The following PKIB variants were observed in gnomAD, a reference collection of about 807,000 sequenced individuals.
PKIB encodes the protein cAMP-dependent protein kinase inhibitor beta.
In PKIB, 2 loss-of-function variants were observed where a neutral mutation model predicts 4.5. That is an observed-to-expected ratio of 0.44 (90% CI 0.18 to 1.39). The LOEUF (loss-of-function observed/expected upper bound fraction) is 1.39, where lower values mean the gene tolerates loss of function less well. Among genes scored for constraint, PKIB ranks in the 40% most tolerant of loss-of-function variants. The pLI is 0.27. For missense variants in PKIB, 94 were observed against 92.6 expected, an observed-to-expected ratio of 1.02 and a Z score of -0.06; for synonymous variants, 38 against 36.0, an observed-to-expected ratio of 1.06 and a Z score of -0.20.
intron 2 of PKIB, among the ~76,000 whole-genome samples, chr6:122,503,274 T>C (rs1402875692): frequency 6.6e-6 from 1 of 152,200 alleles, no homozygotes; most frequent in African/African-American, 2.4e-5. Flanking sequence ...GAAATGTTCA[T>C]GTAGCAATTC....
chr6:122,627,536 G>T (rs1775506501), intron 1 of PKIB, among the ~76,000 whole-genome samples: 1 of 152,128 alleles, frequency 6.6e-6, no homozygotes, highest in Admixed American at 6.5e-5. Context: ...AACTCATCAT[G>T]TTCCTTCCAA....
intron 1 of PKIB, among the ~76,000 whole-genome samples, chr6:122,611,011 C>T (rs1774730965): frequency 6.6e-6 from 1 of 152,232 alleles, no homozygotes; most frequent in Non-Finnish European, 1.5e-5. Context: ...GTGGCTTTAG[C>T]CAAGTCACCT....
chr6:122,641,174 G>A (rs996341404), intron 2 of PKIB, among the ~76,000 whole-genome samples: 13 of 152,090 alleles, frequency 8.5e-5, no homozygotes, highest in Admixed American at 7.9e-4. Context: ...ATTTAGTCTT[G>A]ATTTGTGTTT....
intron 2 of PKIB, among the ~76,000 whole-genome samples, chr6:122,642,762 A>G (rs1297488393): frequency 6.6e-6 from 1 of 152,178 alleles, no homozygotes; most frequent in Admixed American, 6.5e-5. Flanking sequence ...GGAGACAGAA[A>G]ATTGACTCAC....
At chr6:122,555,862 C>G (rs1473096831) in intron 2 of PKIB, among the ~76,000 whole-genome samples, 1 of 152,130 alleles carries the variant, frequency 6.6e-6, no homozygotes. Context: ...AAAACACCAA[C>G]TTGGAATTGA....
At chr6:122,601,688 A>G (rs1774372960) in intron 3 of PKIB, among the ~76,000 whole-genome samples, 1 of 152,178 alleles carries the variant, frequency 6.6e-6, no homozygotes, top group African/African-American at 2.4e-5. Context: ...CTTAATATAT[A>G]GTATATATAT....
chr6:122,630,784 T>C (rs1010291089), intron 1 of PKIB, among the ~76,000 whole-genome samples: 14 of 152,188 alleles, frequency 9.2e-5, no homozygotes, highest in Non-Finnish European at 2.9e-5. Flanking sequence ...TTTCAGTTTA[T>C]GATCCTCAGT....
chr6:122,502,499 G>A (rs1164346045), intron 2 of PKIB, among the ~76,000 whole-genome samples: 45 of 151,668 alleles, frequency 3.0e-4, no homozygotes, highest in Non-Finnish European at 5.9e-5. Context: ...CACAATCTTC[G>A]TTTGGCAGAA....
chr6:122,618,483 T>A (rs1305096004), intron 1 of PKIB, among the ~76,000 whole-genome samples: 1 of 152,022 alleles, frequency 6.6e-6, no homozygotes, highest in African/African-American at 2.4e-5. Flanking sequence ...TTAGAGATAA[T>A]ATACGTTGCA....
intron 2 of PKIB, among the ~76,000 whole-genome samples, chr6:122,530,561 T>C (rs897697662): frequency 6.6e-5 from 10 of 152,132 alleles, no homozygotes; most frequent in African/African-American, 1.9e-4. Context: ...CTCCCAGTTA[T>C]GTACTGCCTT....
chr6:122,587,182 C>T (rs1424581808), intron 3 of PKIB, among the ~76,000 whole-genome samples: 2 of 152,036 alleles, frequency 1.3e-5, no homozygotes, highest in Non-Finnish European at 2.9e-5. Context: ...CCCCGTCCTC[C>T]CACTCCACAA....
chr6:122,502,062 C>T (rs1776255575), intron 2 of PKIB, among the ~76,000 whole-genome samples: 1 of 151,358 alleles, frequency 6.6e-6, no homozygotes, highest in African/African-American at 2.4e-5. Flanking sequence ...AAGTGATTCT[C>T]TTGCCTCAGC....
intron 3 of PKIB, among the ~76,000 whole-genome samples, chr6:122,594,925 T>G (rs979747854): frequency 6.6e-6 from 1 of 152,174 alleles, no homozygotes; most frequent in African/African-American, 2.4e-5. Context: ...CAGCCAACAC[T>G]GTAGCTCCCT....
rs118150104 is a variant in PKIB, at chr6:122,599,712, A to G, written c.-161+13705A>G. Among the ~76,000 whole-genome samples the G allele has an allele frequency of 2.0e-3, 308 of 152,304 alleles. 7 individuals are homozygous for G. In the East Asian group the frequency reaches 0.041, roughly 20 times the overall value. On this transcript the variant is annotated intron_variant, in intron 3 of 6. Transcript: ENST00000392491. ...ATATGGTCACCTCACTCTGCCTGTC[A>G]TGAGCAGTGAATCAGGAGTGTCAAA... is the stretch of plus-strand genomic sequence containing the variant.
At chr6:122,616,755 A>G (rs1775009105) in intron 1 of PKIB, among the ~76,000 whole-genome samples, 1 of 152,092 alleles carries the variant, frequency 6.6e-6, no homozygotes, top group African/African-American at 2.4e-5. Context: ...GCTAAGAGAA[A>G]GGAAACTACT....
At chr6:122,547,073 A>G (rs9490478) in intron 2 of PKIB, among the ~76,000 whole-genome samples, 22,414 of 152,060 alleles carry the variant, frequency 0.15, 1,778 homozygotes, top group East Asian at 0.26. Context: ...ATCTGTGTGT[A>G]CCTGTAGGCT....
At chr6:122,590,907 T>G (rs1773998176) in intron 3 of PKIB, among the ~76,000 whole-genome samples, 3 of 152,092 alleles carry the variant, frequency 2.0e-5, no homozygotes, top group Admixed American at 2.0e-4. Flanking sequence ...GAAAAGGGAT[T>G]GAGATAAAAG....
At chr6:122,559,528 C>CTT (rs1231660823) in intron 2 of PKIB, among the ~76,000 whole-genome samples, 3 of 151,502 alleles carry the variant, frequency 2.0e-5, no homozygotes, top group Non-Finnish European at 4.4e-5. Context: ...TGTGTGGGCT[C>CTT]TTTTTTGTTC....
intron 2 of PKIB, chr6:122,493,257 C>G (rs989263251): frequency 2.6e-5 from 4 of 152,198 alleles, no homozygotes; most frequent in African/African-American, 9.6e-5. Flanking sequence ...GAGATCAGTG[C>G]TCTTATAAAT....
Sources: gnomAD v4.1 joint callset for allele counts (sites outside exome capture counted in the v4.1 genomes callset) on GRCh38, gnomAD v4.1.1 for gene constraint, MANE v1.5 for transcripts, NCBI Gene and HGNC (gene_info 2026-07-23, HGNC 2026-07-21) for gene names.